Variants in CES5A observed in about 807,000 individuals in gnomAD.
CES5A encodes the protein carboxylesterase 5A.
Under a neutral mutation model 62.9 loss-of-function variants are expected in CES5A, and 67 were observed. The observed-to-expected ratio is 1.07, with a 90% CI of 0.88 to 1.31. CES5A has a LOEUF of 1.31. Ranked by LOEUF, CES5A falls within the 50% of genes most tolerant of loss-of-function variation. CES5A has a pLI of 0.00. For synonymous variants in CES5A, 296 were observed against 280.8 expected, an observed-to-expected ratio of 1.05 and a Z score of -0.54; for missense variants, 748 against 708.5, an observed-to-expected ratio of 1.06 and a Z score of -0.63.
intron 2 of CES5A, among the ~76,000 whole-genome samples, chr16:55,937,159 C>T (rs2034385449): frequency 6.6e-6 from 1 of 152,158 alleles, no homozygotes; most frequent in African/African-American, 2.4e-5. Context: ...TCAAGACCCA[C>T]CTCAAGATCT....
At chr16:55,937,884 C>T (rs1178940868) in intron 2 of CES5A, among the ~76,000 whole-genome samples, 1 of 152,172 alleles carries the variant, frequency 6.6e-6, no homozygotes, top group Non-Finnish European at 1.5e-5. Flanking sequence ...TCTTGACAAC[C>T]ATGCCAGGCA....
rs1344911152 is a variant in CES5A, at chr16:55,869,494, C to A, written c.551+117G>T. On this transcript the variant is annotated intron_variant, in intron 4 of 12. Transcript: ENST00000290567. ...CAAAAATTACCTAAGTAATTAGGGC[C>A]AGTTTTGTTCATTGTCCCGGAAGGC... The A allele has an allele frequency of 3.6e-6, 5 of 1,381,708 alleles. No homozygotes were observed. In the African/African-American group the frequency reaches 5.9e-5, roughly 16 times the overall value. The allele number at this position is 1,381,708 out of a possible 1,614,324, so 85.6% of individuals were successfully genotyped here.
chr16:55,943,521 A>T (rs1382052597), intron 2 of CES5A, among the ~76,000 whole-genome samples: 6 of 152,230 alleles, frequency 3.9e-5, no homozygotes, highest in African/African-American at 1.4e-4. Flanking sequence ...AATTCTCACC[A>T]CATTAATCTC....
intron 1 of CES5A, among the ~76,000 whole-genome samples, chr16:55,892,127 T>A (rs2033886679): frequency 6.6e-6 from 1 of 152,186 alleles, no homozygotes; most frequent in African/African-American, 2.4e-5. Context: ...CAAAAGAAAC[T>A]TGGTCTCCAC....
chr16:55,869,738 C>T lies in CES5A; in HGVS notation c.424G>A (p.Val142Met), dbSNP rs751950787. 6.2e-6 allele frequency: 10 copies of T among 1,602,038 alleles called. No homozygotes were observed. Among genetic ancestry groups the T allele is most frequent in the South Asian group, 1.1e-5 (1 of 89,458 alleles). Reference sequence around the variant, plus strand: ...TTGAAGGCACCTCCTGGGAACCACACCAAGACCTGAGGAGGGGAGAAGAGC... The same window carrying T: ...TTGAAGGCACCTCCTGGGAACCACATCAAGACCTGAGGAGGGGAGAAGAGC... ...ADTGSKLPVL[V>M]WFPGGAFKTG... is the part of the protein sequence containing the mutation. Residue 142 changes from valine (V) to methionine (M), a missense_variant, in exon 4 of 13, where the codon GTG becomes ATG. Coordinates refer to ENST00000290567, the MANE Select transcript of CES5A (RefSeq NM_001143685.2).
chr16:55,940,755 A>G (rs1160615061), intron 2 of CES5A, among the ~76,000 whole-genome samples: 1 of 151,938 alleles, frequency 6.6e-6, no homozygotes, highest in African/African-American at 2.4e-5. Context: ...TAAATACAGA[A>G]GCAAAATTTC....
At chr16:55,909,572 A>G (rs906368573) in intron 1 of CES5A, among the ~76,000 whole-genome samples, 11 of 149,176 alleles carry the variant, frequency 7.4e-5, no homozygotes, top group Admixed American at 4.7e-4. Flanking sequence ...GCGCACGTGC[A>G]CACACACACA....
chr16:55,867,803 T>C (rs1489966102), intron 4 of CES5A, among the ~76,000 whole-genome samples: 5 of 152,244 alleles, frequency 3.3e-5, no homozygotes, highest in African/African-American at 1.2e-4. Context: ...GGGATAATGA[T>C]AGTGCCCACT....
At chr16:55,861,610 G>T in intron 6 of CES5A, 94 bp from the exon 7 acceptor site, 2 of 849,028 alleles carry the variant, frequency 2.4e-6, no homozygotes, top group Admixed American at 2.0e-5. Context: ...CCACAGGCTG[G>T]CCCTCCATAT....
rs149625897 is a variant in CES5A at position 55,913,027 on chromosome 16, A to G, written c.-256+12296T>C. On this transcript the variant is annotated intron_variant, in intron 1 of 12. Coordinates refer to the CES5A transcript ENST00000518005. ...AGATTTATCAAGACAGGGGAATTGC[A>G]ATGGAGAAAGAGTAATTCATGCAGA... Among the ~76,000 whole-genome samples, 926 of 152,242 alleles carry G rather than the reference A, an allele frequency of 6.1e-3. 8 individuals carry two copies. The highest frequency in any genetic ancestry group is 8.9e-3 in the Non-Finnish European group (607 of 68,024).
intron 1 of CES5A, among the ~76,000 whole-genome samples, chr16:55,890,596 T>A (rs1230466904): frequency 6.6e-6 from 1 of 152,174 alleles, no homozygotes. Flanking sequence ...AATAGTGATA[T>A]ATCTTATAAA....
chr16:55,893,730 A>T (rs2033903389), intron 1 of CES5A, among the ~76,000 whole-genome samples: 1 of 152,182 alleles, frequency 6.6e-6, no homozygotes, highest in South Asian at 2.1e-4. Context: ...TCAACAACCT[A>T]AAGTATAATA....
upstream of CES5A, among the ~76,000 whole-genome samples, chr16:55,876,333 G>A (rs2033693336): frequency 6.6e-6 from 1 of 152,122 alleles, no homozygotes; most frequent in African/African-American, 2.4e-5. Flanking sequence ...ATAAGAAAGA[G>A]CTTTTGGGAA....
At chr16:55,848,754 A>G (rs1194693654) in intron 11 of CES5A, among the ~76,000 whole-genome samples, 4 of 152,108 alleles carry the variant, frequency 2.6e-5, no homozygotes, top group Non-Finnish European at 5.9e-5. Flanking sequence ...GACTTTTTCC[A>G]GTTTAGGGAG....
chr16:55,862,773 C>T (rs1412939139), intron 6 of CES5A, among the ~76,000 whole-genome samples: 2 of 152,156 alleles, frequency 1.3e-5, no homozygotes, highest in Admixed American at 1.3e-4. Context: ...ACTCATTCAT[C>T]CGGAACACTT....
In CES5A at chr16:55,882,955, T is replaced by C. The variant is rs573754744; in HGVS notation, c.-255-8918A>G. On this transcript the variant is annotated intron_variant, in intron 1 of 12. Transcript: ENST00000518005. Reference sequence around the variant, plus strand: ...CATCCAGGCAGTGAAATGGACTATATTGTGAGAGGCAGCTAACCCTGTAAC... The same window carrying C: ...CATCCAGGCAGTGAAATGGACTATACTGTGAGAGGCAGCTAACCCTGTAAC... Among the ~76,000 whole-genome samples the C allele has an allele frequency of 1.2e-3, 185 of 152,314 alleles. 2 individuals carry two copies. Among genetic ancestry groups the C allele is most frequent in the African/African-American group, 4.3e-3 (179 of 41,576 alleles).
intron 1 of CES5A, among the ~76,000 whole-genome samples, chr16:55,924,004 A>G (rs2034234710): frequency 6.6e-6 from 1 of 151,948 alleles, no homozygotes; most frequent in African/African-American, 2.4e-5. Flanking sequence ...AAGATCTGGA[A>G]TAAGACAAGT....
chr16:55,938,797 T>TATATATATATATATATATATAC (rs1440495150), intron 2 of CES5A, among the ~76,000 whole-genome samples: 3 of 51,088 alleles, frequency 5.9e-5, no homozygotes, highest in Non-Finnish European at 1.1e-4. Context: ...TATATATATA[T>TATATATATATATATATATATAC]ACACACATAT....
chr16:55,853,754 G>T (rs143970995), intron 9 of CES5A, among the ~76,000 whole-genome samples: 1,572 of 152,264 alleles, frequency 0.01, 12 homozygotes, highest in Non-Finnish European at 0.016. Context: ...TGCCTCCCAG[G>T]CTTCTCCCTC....
Sources: gnomAD v4.1 joint callset for allele counts (sites outside exome capture counted in the v4.1 genomes callset) on GRCh38, gnomAD v4.1.1 for gene constraint, MANE v1.5 for transcripts, NCBI Gene and HGNC (gene_info 2026-07-23, HGNC 2026-07-21) for gene names.